Variants in GLDC observed in about 807,000 individuals in gnomAD.
The protein encoded by GLDC is glycine dehydrogenase (decarboxylating), mitochondrial.
Under a neutral mutation model 121.3 loss-of-function variants are expected in GLDC, and 104 were observed. That is an observed-to-expected ratio of 0.86 (90% CI 0.73 to 1.01). The LOEUF (loss-of-function observed/expected upper bound fraction) is 1.01. Ranked by LOEUF, GLDC falls within the 50% of genes least tolerant of loss-of-function variation. The pLI, the probability that GLDC is intolerant of heterozygous loss-of-function variation, is 0.00. For missense variants in GLDC, 1,429 were observed against 1,306.6 expected, an observed-to-expected ratio of 1.09 and a Z score of -1.44; for synonymous variants, 546 against 480.6, an observed-to-expected ratio of 1.14 and a Z score of -1.78.
intron 8 of GLDC, among the ~76,000 whole-genome samples, chr9:6,596,971 A>C (rs1818504658): frequency 6.6e-6 from 1 of 152,240 alleles, no homozygotes. Flanking sequence ...GAAACACCCC[A>C]AATGTTTACC....
At chr9:6,636,132 C>G (rs945573401) in intron 2 of GLDC, among the ~76,000 whole-genome samples, 1 of 151,936 alleles carries the variant, frequency 6.6e-6, no homozygotes, top group Non-Finnish European at 1.5e-5. Flanking sequence ...GTGAAACCCC[C>G]GTCTCTACTA....
intron 15 of GLDC, among the ~76,000 whole-genome samples, chr9:6,585,578 T>C (rs1336367639): frequency 6.6e-6 from 1 of 152,124 alleles, no homozygotes; most frequent in Admixed American, 6.5e-5. Context: ...ATAGGGTGTA[T>C]TGTTTTTACA....
At chr9:6,593,025 T>A (rs369602148) in intron 9 of GLDC, 35 bp from the exon 10 acceptor site, 2 of 1,611,156 alleles carry the variant, frequency 1.2e-6, no homozygotes, top group East Asian at 2.2e-5. Context: ...AACTCTCATA[T>A]AGAAACCTGC....
At chr9:6,539,590 G>C (rs1316549223) in intron 22 of GLDC, among the ~76,000 whole-genome samples, 2 of 152,214 alleles carry the variant, frequency 1.3e-5, no homozygotes, top group African/African-American at 2.4e-5. Context: ...CACAGGTAAA[G>C]TGTCCGTGTC....
intron 3 of GLDC, among the ~76,000 whole-genome samples, chr9:6,612,230 C>T (rs199975859): frequency 6.8e-6 from 1 of 146,482 alleles, no homozygotes; most frequent in African/African-American, 2.6e-5. Flanking sequence ...CTCTCACACA[C>T]ACACTCTTTC....
At chr9:6,629,220 C>T (rs1270648596) in intron 2 of GLDC, among the ~76,000 whole-genome samples, 1 of 114,964 alleles carries the variant, frequency 8.7e-6, no homozygotes, top group Non-Finnish European at 1.7e-5. Flanking sequence ...GTTAAATATT[C>T]ATTTTTTTTT....
rs188169469 is a variant in GLDC, at chr9:6,637,072, G to A, written c.334+7542C>T. Reference sequence around the variant, plus strand: ...GCTCTCCAGCCTGGGTGACAGAGCAGAACTGGTTTTGTTTGTTTTTTTTTT... The same window carrying A: ...GCTCTCCAGCCTGGGTGACAGAGCAAAACTGGTTTTGTTTGTTTTTTTTTT... On this transcript the variant is annotated intron_variant, in intron 2 of 24. Coordinates refer to ENST00000321612, the MANE Select transcript of GLDC (RefSeq NM_000170.3). 5.6e-3 allele frequency among the ~76,000 whole-genome samples: 852 copies of A among 151,476 alleles called. 8 individuals carry two copies. Among genetic ancestry groups the A allele is most frequent in the Non-Finnish European group, 1.0e-2 (677 of 67,892 alleles).
intron 5 of GLDC, chr9:6,605,872 G>C (rs1818720124): frequency 1.1e-5 from 2 of 175,266 alleles, no homozygotes; most frequent in South Asian, 2.8e-4. Flanking sequence ...ATCTCACCTA[G>C]GGACTCTGCA....
intron 2 of GLDC, among the ~76,000 whole-genome samples, chr9:6,630,891 C>T (rs34891903): frequency 0.2 from 30,116 of 152,152 alleles, 3,066 homozygotes; most frequent in South Asian, 0.28. Flanking sequence ...AGCCCACTTA[C>T]GCAGTCCATA....
chr9:6,566,467 T>A (rs1306874182), intron 15 of GLDC: 1 of 152,192 alleles, frequency 6.6e-6, no homozygotes, highest in Admixed American at 6.5e-5. Flanking sequence ...CCCAAAAGAA[T>A]GAGGCACTTT....
intron 2 of GLDC, among the ~76,000 whole-genome samples, chr9:6,630,298 T>C (rs1183820203): frequency 6.6e-6 from 1 of 151,990 alleles, no homozygotes; most frequent in Non-Finnish European, 1.5e-5. Context: ...AAAATTAAAA[T>C]GTTGCATGTA....
chr9:6,610,590 GTTTT>G (rs1305642745), intron 3 of GLDC, among the ~76,000 whole-genome samples: 1 of 152,022 alleles, frequency 6.6e-6, no homozygotes, highest in South Asian at 2.1e-4. Flanking sequence ...CTCTGGTGTT[GTTTT>G]TTTGTTTTTT....
chr9:6,632,988 G>C (rs1440263137), intron 2 of GLDC, among the ~76,000 whole-genome samples: 1 of 151,844 alleles, frequency 6.6e-6, no homozygotes, highest in Non-Finnish European at 1.5e-5. Context: ...CCTCCCTGCA[G>C]ACCGATCAAG....
At chr9:6,574,932 T>C (rs1453817488) in intron 15 of GLDC, among the ~76,000 whole-genome samples, 1 of 152,134 alleles carries the variant, frequency 6.6e-6, no homozygotes, top group East Asian at 1.9e-4. Flanking sequence ...GATATGCATA[T>C]GATAGCCACA....
Position 6,533,017 on chromosome 9 carries a change from C to T in GLDC, c.3063G>A (p.Ter1021=). 3 of 1,608,302 alleles carry T rather than the reference C, an allele frequency of 1.9e-6. No individual in the cohort carries two copies. The highest frequency in any genetic ancestry group is 2.6e-6 in the Non-Finnish European group (3 of 1,175,250). Residue 1021 remains the stop codon, a stop_retained_variant, in exon 25 of 25, where the codon TAG becomes TAA. Transcript: ENST00000321612. ...GTCCTTTAAACTTAGGGACAGAGGACTAAGAAGACGCCCTCTTTTGTTCAG... is the reference window on the plus strand; with the variant it reads ...GTCCTTTAAACTTAGGGACAGAGGATTAAGAAGACGCCCTCTTTTGTTCAG... ...PFSEQKRASS[*] is the part of the protein sequence containing the mutation.
chr9:6,560,332 T>C (rs1013176933), intron 16 of GLDC, among the ~76,000 whole-genome samples: 4 of 152,090 alleles, frequency 2.6e-5, no homozygotes, highest in Non-Finnish European at 5.9e-5. Context: ...TTAAGAAAAA[T>C]AAACGTGTAC....
At position 6,585,251 on chromosome 9, in the gene GLDC, T is replaced by C. The variant is rs924558009; in HGVS notation, c.1850+1890A>G. On this transcript the variant is annotated intron_variant, in intron 15 of 24. Coordinates refer to ENST00000321612, the MANE Select transcript of GLDC (RefSeq NM_000170.3). ...GATCACAATTTACTGCAAGAGCTAA[T>C]AACCAGAATTAAAATAGTCTTGAAA... Among the ~76,000 whole-genome samples, 5 of 152,310 alleles carry C rather than the reference T, an allele frequency of 3.3e-5. No individual in the cohort carries two copies. The South Asian group carries it at 1.0e-3, about 32-fold the overall frequency.
At chr9:6,571,838 A>G (rs1216454113) in intron 15 of GLDC, among the ~76,000 whole-genome samples, 6 of 152,236 alleles carry the variant, frequency 3.9e-5, no homozygotes, top group Admixed American at 1.3e-4. Context: ...AATCAAGCCT[A>G]TGTACACAGA....
At chr9:6,578,698 C>A (rs2129803483) in intron 15 of GLDC, among the ~76,000 whole-genome samples, 1 of 152,170 alleles carries the variant, frequency 6.6e-6, no homozygotes, top group African/African-American at 2.4e-5. Context: ...TGCCACCATG[C>A]TAGGCTAATT....
Sources: allele counts gnomAD v4.1 joint callset (sites outside exome capture counted in the v4.1 genomes callset), GRCh38; gene constraint gnomAD v4.1.1; transcripts MANE v1.5; gene names NCBI Gene and HGNC (gene_info 2026-07-23, HGNC 2026-07-21).